Variants in KNTC1 observed in about 807,000 individuals in gnomAD.
KNTC1 encodes the protein kinetochore-associated protein 1.
A neutral mutation model predicts 314.4 loss-of-function variants in KNTC1; 253 were observed. The ratio of observed to expected loss-of-function variants is 0.80; its 90% confidence interval spans 0.73 to 0.89. KNTC1 has a LOEUF of 0.89. Ranked by LOEUF, KNTC1 falls within the 40% of genes least tolerant of loss-of-function variation. The pLI, the probability that KNTC1 is intolerant of heterozygous loss-of-function variation, is 0.00. For synonymous variants in KNTC1, 901 were observed against 901.4 expected, an observed-to-expected ratio of 1.00 and a Z score of 0.01; for missense variants, 2,475 against 2,572.9, an observed-to-expected ratio of 0.96 and a Z score of 0.82.
At chr12:122,566,741 C>G (rs182267796) in intron 20 of KNTC1, among the ~76,000 whole-genome samples, 1 of 148,196 alleles carries the variant, frequency 6.7e-6, no homozygotes, top group African/African-American at 2.5e-5. Context: ...ACGGATTTTG[C>G]CATGTTGTCC....
intron 59 of KNTC1, among the ~76,000 whole-genome samples, chr12:122,618,930 G>A (rs1467753632): frequency 4.6e-5 from 7 of 151,490 alleles, no homozygotes; most frequent in East Asian, 2.0e-4. Flanking sequence ...CATACGCCAC[G>A]CACCACCACG....
chr12:122,591,591 T>C (rs1427803177), intron 42 of KNTC1, 138 bp downstream of exon 42: 1 of 578,460 alleles, frequency 1.7e-6, no homozygotes, highest in Admixed American at 3.5e-5. Flanking sequence ...ACTACACACA[T>C]AGGTGCTTTC....
intron 51 of KNTC1, among the ~76,000 whole-genome samples, chr12:122,605,641 G>A (rs1872507414): frequency 6.6e-6 from 1 of 152,160 alleles, no homozygotes; most frequent in Non-Finnish European, 1.5e-5. Context: ...TGCCTCCTGG[G>A]TGCAAGTGAT....
chr12:122,581,044 A>AG (rs1272484927), intron 33 of KNTC1, among the ~76,000 whole-genome samples: 4 of 138,686 alleles, frequency 2.9e-5, no homozygotes, highest in Non-Finnish European at 6.3e-5. Flanking sequence ...AAAAAAAAAA[A>AG]GTTTTTTGCA....
chr12:122,551,414 T>G, intron 14 of KNTC1, 44 bp from the exon 15 acceptor site: 1 of 1,559,190 alleles, frequency 6.4e-7, no homozygotes, highest in South Asian at 1.2e-5. Flanking sequence ...TTTTACGTAT[T>G]AATATTAAAA....
chr12:122,603,877 GT>G (rs1872274851), intron 48 of KNTC1, among the ~76,000 whole-genome samples: 1 of 152,172 alleles, frequency 6.6e-6, no homozygotes, highest in Non-Finnish European at 1.5e-5. Context: ...TACATTTTTG[GT>G]TGTAACAAAA....
rs578088874 is a variant in KNTC1 at position 122,610,892 on chromosome 12, A to C, written c.5614A>C (p.Thr1872Pro). 6 of 1,610,208 alleles carry C rather than the reference A, an allele frequency of 3.7e-6. No homozygotes were observed. The South Asian group carries it at 5.5e-5, about 15-fold the overall frequency. The change falls in exon 53 of 64, where the codon ACT becomes CCT. Residue 1872 changes from threonine to proline, a missense_variant. By Grantham distance (38) the Thr-to-Pro change is conservative. Coordinates refer to ENST00000333479, the MANE Select transcript of KNTC1 (RefSeq NM_014708.6). ...AATGCTGTTTGTATTTGCAACATCA[A>C]CTACAACCGTAAGCTCTAGAAACTT... ...SRMLFVFATS[T>P]TTTLGMHQLT...
At chr12:122,572,800 A>G (rs1250963597) in intron 24 of KNTC1, 137 bp from the exon 25 acceptor site, 5 of 607,590 alleles carry the variant, frequency 8.2e-6, no homozygotes, top group Non-Finnish European at 1.4e-5. Context: ...TTAGAGCATA[A>G]GTTGGTTTAA....
chr12:122,570,886 C>T lies in KNTC1; in HGVS notation c.1871C>T (p.Ala624Val), dbSNP rs1256261426. ...AATAATCTATTTCAGATAATTCTTGCAAAATGGTTGGAACAAGCAGCCAGG... is the reference window on the plus strand; with the variant it reads ...AATAATCTATTTCAGATAATTCTTGTAAAATGGTTGGAACAAGCAGCCAGG... ...RTVPEGQIIL[A>V]KWLEQAARNL... The change falls in exon 23 of 64, where the codon GCA (alanine) becomes GTA (valine). Residue 624 changes from alanine (A) to valine (V), a missense_variant. By Grantham distance (64) the Ala-to-Val change is moderately conservative. Transcript: ENST00000333479. The T allele has an allele frequency of 6.5e-7, 1 of 1,544,906 alleles. No individual in the cohort carries two copies. Among genetic ancestry groups the T allele is most frequent in the Admixed American group, 1.9e-5 (1 of 51,458 alleles).
rs1273964771 is a variant in KNTC1, at chr12:122,557,598, A to G, written c.1399-2A>G. On this transcript the variant is annotated splice_acceptor_variant, in intron 17 of 63. Coordinates refer to ENST00000333479, the MANE Select transcript of KNTC1 (RefSeq NM_014708.6). LOFTEE classifies it high-confidence loss of function. Reference sequence around the variant, plus strand: ...TTACTGTGTCTGGCATTTGTGAAACAGGATGATGAATTTGTGGTGAATTAC... The same window carrying G: ...TTACTGTGTCTGGCATTTGTGAAACGGGATGATGAATTTGTGGTGAATTAC... 2.5e-6 allele frequency: 4 copies of G among 1,613,130 alleles called. No individual in the cohort carries two copies. Among genetic ancestry groups the G allele is most frequent in the Non-Finnish European group, 3.4e-6 (4 of 1,179,442 alleles).
chr12:122,582,856 G>C lies in KNTC1; in HGVS notation c.3134G>C (p.Ser1045Thr). The change falls in exon 34 of 64, where the codon AGC becomes ACC. Residue 1045 changes from serine (S) to threonine (T), a missense_variant. Transcript: ENST00000333479. ...TPEPIAAEVR[S>T]PSMESKLHRQ... ...GAGCCCATAGCTGCTGAGGTGAGGA[G>C]CCCAAGCATGGAATCAAAGCTGCAC... The C allele has an allele frequency of 6.2e-7, 1 of 1,612,040 alleles. No individual in the cohort carries two copies. Among genetic ancestry groups the C allele is most frequent in the East Asian group, 2.2e-5 (1 of 44,836 alleles).
chr12:122,586,063 TTTTGTG>T (rs2138012051), intron 37 of KNTC1, among the ~76,000 whole-genome samples: 1 of 99,932 alleles, frequency 1.0e-5, no homozygotes, highest in African/African-American at 4.6e-5. Flanking sequence ...TTTGTTTCTT[TTTTGTG>T]TGTTTGTTTT....
At chr12:122,595,577 C>T (rs771010653) in intron 43 of KNTC1, among the ~76,000 whole-genome samples, 46 of 152,104 alleles carry the variant, frequency 3.0e-4, no homozygotes, top group Non-Finnish European at 5.9e-4. Flanking sequence ...GGGGAAAGAC[C>T]GTGGCTGTCA....
intron 52 of KNTC1, among the ~76,000 whole-genome samples, chr12:122,609,842 C>A (rs760154404): frequency 6.6e-6 from 1 of 152,148 alleles, no homozygotes; most frequent in Non-Finnish European, 1.5e-5. Context: ...TTGATTTTAT[C>A]TAATGTGCTA....
intron 5 of KNTC1, among the ~76,000 whole-genome samples, chr12:122,541,313 C>CTTCT (rs1962306829): frequency 6.9e-6 from 1 of 145,902 alleles, no homozygotes. Flanking sequence ...TCCTTCCTTC[C>CTTCT]TTCCTTCCTT....
intron 43 of KNTC1, 158 bp from the exon 44 acceptor site, chr12:122,597,573 A>G: frequency 1.5e-6 from 1 of 655,018 alleles, no homozygotes; most frequent in Non-Finnish European, 2.7e-6. Context: ...AAAGGCAATA[A>G]TTAGCTTTGA....
intron 33 of KNTC1, among the ~76,000 whole-genome samples, chr12:122,581,088 TTCTCTC>T (rs367845063): frequency 1.3e-5 from 2 of 149,562 alleles, no homozygotes; most frequent in African/African-American, 4.9e-5. Flanking sequence ...CTGGTTTTCC[TTCTCTC>T]TCTCTCTCTC....
chr12:122,534,527 TTAGA>T (rs1961629225), intron 2 of KNTC1, 133 bp from the exon 3 acceptor site: 4 of 736,990 alleles, frequency 5.4e-6, no homozygotes, highest in East Asian at 2.7e-5. Flanking sequence ...CGATGATTAA[TTAGA>T]TAGAGGGGCT....
At chr12:122,569,531 A>G in intron 21 of KNTC1, 150 bp from the exon 22 acceptor site, 1 of 621,734 alleles carries the variant, frequency 1.6e-6, no homozygotes. Flanking sequence ...CCCAACTAGA[A>G]TCATTTGCAT....
Sources: allele counts gnomAD v4.1 joint callset (sites outside exome capture counted in the v4.1 genomes callset), GRCh38; gene constraint gnomAD v4.1.1; transcripts MANE v1.5; gene names NCBI Gene and HGNC (gene_info 2026-07-23, HGNC 2026-07-21).